Variants in TYW1B observed in about 807,000 individuals in gnomAD.
TYW1B encodes S-adenosyl-L-methionine-dependent tRNA 4-demethylwyosine synthase TYW1B.
Under a neutral mutation model 86.9 loss-of-function variants are expected in TYW1B, and 73 were observed. That is an observed-to-expected ratio of 0.84 (90% CI 0.70 to 1.02). The LOEUF (loss-of-function observed/expected upper bound fraction) is 1.02. Among genes scored for constraint, TYW1B ranks in the 50% least tolerant of loss-of-function variants. TYW1B has a pLI of 0.00. For synonymous variants in TYW1B, 248 were observed against 292.8 expected, an observed-to-expected ratio of 0.85 and a Z score of 1.56; for missense variants, 637 against 827.4, an observed-to-expected ratio of 0.77 and a Z score of 2.82.
intron 7 of TYW1B, among the ~76,000 whole-genome samples, chr7:72,753,656 T>C (rs548195304): frequency 3.9e-5 from 6 of 152,124 alleles, no homozygotes; most frequent in African/African-American, 1.2e-4. Flanking sequence ...AATTTTTGTA[T>C]TTTTAGTAGA....
intron 6 of TYW1B, among the ~76,000 whole-genome samples, chr7:72,782,667 A>G (rs552105732): frequency 3.9e-5 from 6 of 152,238 alleles, no homozygotes; most frequent in Admixed American, 3.9e-4. Context: ...ACCTGAGGTC[A>G]GGAGTTTGAG....
chr7:72,798,035 A>C (rs1383379905), intron 6 of TYW1B, among the ~76,000 whole-genome samples: 1 of 83,274 alleles, frequency 1.2e-5, no homozygotes. Context: ...ACACACACAC[A>C]CACGCACACA....
chr7:72,696,303 T>C (rs1814319966), intron 10 of TYW1B, among the ~76,000 whole-genome samples: 1 of 152,136 alleles, frequency 6.6e-6, no homozygotes, highest in Non-Finnish European at 1.5e-5. Flanking sequence ...GGTCTCATAA[T>C]TCAATCTCTT....
intron 7 of TYW1B, among the ~76,000 whole-genome samples, chr7:72,756,598 T>G (rs1787594126): frequency 6.6e-6 from 1 of 152,086 alleles, no homozygotes; most frequent in African/African-American, 2.4e-5. Flanking sequence ...TGGGGAATCT[T>G]GCTAGGGCAG....
chr7:72,627,138 C>T (rs2090948), intron 12 of TYW1B, among the ~76,000 whole-genome samples: 3,237 of 150,224 alleles, frequency 0.022, 115 homozygotes, highest in African/African-American at 0.074. Context: ...TTACCATTTA[C>T]GTATCAGTTT....
At chr7:72,706,767 C>T (rs1210322547) in intron 10 of TYW1B, among the ~76,000 whole-genome samples, 3 of 152,164 alleles carry the variant, frequency 2.0e-5, no homozygotes, top group Non-Finnish European at 4.4e-5. Flanking sequence ...ATAACTACTC[C>T]TTGGATCTTG....
chr7:72,804,191 A>G (rs1563099700), intron 5 of TYW1B, among the ~76,000 whole-genome samples: 4 of 151,474 alleles, frequency 2.6e-5, no homozygotes, highest in African/African-American at 7.3e-5. Context: ...AGGCTGAGAC[A>G]GGAGAATTGC....
In TYW1B at chr7:72,591,167, GA is replaced by G. The variant is rs540610553; in HGVS notation, c.1786-15449del. Among the ~76,000 whole-genome samples the G allele has an allele frequency of 1.5e-4, 23 of 151,726 alleles. 1 individual carries two copies. The East Asian group carries it at 4.3e-3, about 28-fold the overall frequency. On this transcript the variant is annotated intron_variant, in intron 13 of 13. Coordinates refer to ENST00000620995, the MANE Select transcript of TYW1B (RefSeq NM_001145440.3). ...AATAGCAAAAAAAAAAGAAAGAAAAGAAAAAAAGTGAACAGAGATTAAGGGA... is the reference window on the plus strand; with the variant it reads ...AATAGCAAAAAAAAAAGAAAGAAAAGAAAAAAGTGAACAGAGATTAAGGGA...
chr7:72,797,152 A>G (rs529895657), intron 6 of TYW1B, among the ~76,000 whole-genome samples: 1 of 152,298 alleles, frequency 6.6e-6, no homozygotes, highest in South Asian at 2.1e-4. Context: ...ACAGCTTCAA[A>G]AAACCTTGGC....
chr7:72,728,769 G>C, intron 9 of TYW1B, 53 bp downstream of exon 9: 2 of 1,541,344 alleles, frequency 1.3e-6, no homozygotes. Context: ...CTGCCAATCT[G>C]ATTCAGACTA....
chr7:72,589,401 G>A (rs1321707709), intron 13 of TYW1B, among the ~76,000 whole-genome samples: 4 of 152,162 alleles, frequency 2.6e-5, no homozygotes, highest in East Asian at 3.9e-4. Context: ...GAAATACCTC[G>A]ATTTAGAGTT....
At chr7:72,730,374 G>A (rs1787081186) in intron 8 of TYW1B, among the ~76,000 whole-genome samples, 1 of 150,498 alleles carries the variant, frequency 6.6e-6, no homozygotes, top group Non-Finnish European at 1.5e-5. Context: ...ATTCAACAGA[G>A]ATAGATATCA....
chr7:72,754,103 A>G (rs1412306238), intron 7 of TYW1B, among the ~76,000 whole-genome samples: 1 of 152,088 alleles, frequency 6.6e-6, no homozygotes, highest in South Asian at 2.1e-4. Flanking sequence ...TAAAAAAATA[A>G]TAACAATAAC....
At position 72,708,530 on chromosome 7, in the gene TYW1B, T is replaced by C. The variant is rs1223983798; in HGVS notation, c.1370+5091A>G. On this transcript the variant is annotated intron_variant, in intron 10 of 13. Transcript: ENST00000620995. Reference sequence around the variant, plus strand: ...CAAATAGCTGAACTTGCTGACTTGCTGTATGAGCTGACTTGCTGTATAGAA... The same window carrying C: ...CAAATAGCTGAACTTGCTGACTTGCCGTATGAGCTGACTTGCTGTATAGAA... Among the ~76,000 whole-genome samples, 41 of 152,296 alleles carry C rather than the reference T, an allele frequency of 2.7e-4. 1 individual carries two copies. The Middle Eastern group carries it at 0.014, about 51-fold the overall frequency.
At chr7:72,724,218 T>A (rs1274577913) in intron 9 of TYW1B, among the ~76,000 whole-genome samples, 1 of 152,146 alleles carries the variant, frequency 6.6e-6, no homozygotes, top group African/African-American at 2.4e-5. Context: ...ATGCCTGTAA[T>A]CCCAGTACTT....
At chr7:72,690,098 G>C (rs1202618352) in intron 11 of TYW1B, among the ~76,000 whole-genome samples, 6 of 152,154 alleles carry the variant, frequency 3.9e-5, no homozygotes, top group Non-Finnish European at 8.8e-5. Context: ...AATTATGTTG[G>C]TCATTTTTCT....
intron 7 of TYW1B, among the ~76,000 whole-genome samples, chr7:72,754,970 T>C (rs1787561560): frequency 6.6e-6 from 1 of 152,208 alleles, no homozygotes; most frequent in African/African-American, 2.4e-5. Flanking sequence ...TTAACAATAG[T>C]ATAGAGTATG....
At chr7:72,593,820 TAAAAAAA>T (rs59821679) in intron 13 of TYW1B, among the ~76,000 whole-genome samples, 2 of 43,674 alleles carry the variant, frequency 4.6e-5, no homozygotes, top group Non-Finnish European at 8.0e-5. Context: ...AGACTCCATC[TAAAAAAA>T]AAAAAAAAAA....
chr7:72,783,147 C>G (rs1554471902), intron 6 of TYW1B, among the ~76,000 whole-genome samples: 1 of 151,936 alleles, frequency 6.6e-6, no homozygotes, highest in African/African-American at 2.4e-5. Flanking sequence ...GCCTGTAATC[C>G]CAGCACTTTG....
Sources: allele counts gnomAD v4.1 joint callset (sites outside exome capture counted in the v4.1 genomes callset), GRCh38; gene constraint gnomAD v4.1.1; transcripts MANE v1.5; gene names NCBI Gene and HGNC (gene_info 2026-07-23, HGNC 2026-07-21).